Variants in FGF14 observed in about 807,000 individuals in gnomAD.
FGF14 encodes the protein fibroblast growth factor homologous factor 4.
In FGF14, 5 loss-of-function variants were observed where a neutral mutation model predicts 25.5. The observed-to-expected ratio is 0.20, with a 90% CI of 0.10 to 0.41. The LOEUF (loss-of-function observed/expected upper bound fraction) is 0.41, where lower values mean the gene tolerates loss of function less well. Ranked by LOEUF, FGF14 falls within the 10% of genes least tolerant of loss-of-function variation. The probability of loss-of-function intolerance (pLI) is 1.00; values close to 1 mark genes in which losing one functional copy is unlikely to be tolerated. For synonymous variants in FGF14, 138 were observed against 118.3 expected (o/e 1.17, Z -1.08); for missense variants, 222 against 320.1 (o/e 0.69, Z 2.34).
chr13:101,962,418 C>G (rs34500643), intron 1 of FGF14, among the ~76,000 whole-genome samples: 16,085 of 151,922 alleles, frequency 0.11, 971 homozygotes, highest in Admixed American at 0.2. Flanking sequence ...TGTATCCTGT[C>G]TCTCTTTTCT....
At chr13:102,378,589 ATATCTATATCTATC>A (rs1386835089) in intron 1 of FGF14, among the ~76,000 whole-genome samples, 2 of 144,094 alleles carry the variant, frequency 1.4e-5, no homozygotes, top group African/African-American at 5.2e-5. Flanking sequence ...TATGTTATAT[ATATCTATATCTATC>A]TATCTATCTA....
chr13:102,016,324 A>C (rs2040343519), intron 1 of FGF14, among the ~76,000 whole-genome samples: 1 of 152,154 alleles, frequency 6.6e-6, no homozygotes, highest in East Asian at 1.9e-4. Context: ...ATAATTTGAA[A>C]AGATTTTTAA....
intron 1 of FGF14, among the ~76,000 whole-genome samples, chr13:102,297,937 T>C (rs968550880): frequency 2.0e-5 from 3 of 152,060 alleles, no homozygotes; most frequent in Non-Finnish European, 4.4e-5. Context: ...TGGGATGCCC[T>C]CACAGAATGT....
At chr13:101,889,758 G>A (rs183298100) in intron 1 of FGF14, among the ~76,000 whole-genome samples, 2 of 152,314 alleles carry the variant, frequency 1.3e-5, no homozygotes, top group Non-Finnish European at 2.9e-5. Flanking sequence ...CTGCATCTGA[G>A]AACGTGCATC....
intron 3 of FGF14, among the ~76,000 whole-genome samples, chr13:101,758,879 G>A (rs868376872): frequency 1.3e-5 from 2 of 152,174 alleles, no homozygotes; most frequent in African/African-American, 2.4e-5. Context: ...TGATTCTGAT[G>A]TAGGTGTTGT....
At chr13:102,196,680 T>C (rs1335748429) in intron 1 of FGF14, among the ~76,000 whole-genome samples, 1 of 152,226 alleles carries the variant, frequency 6.6e-6, no homozygotes, top group East Asian at 1.9e-4. Flanking sequence ...TATAATTTTT[T>C]GTGGCAAAAA....
intron 1 of FGF14, among the ~76,000 whole-genome samples, chr13:102,087,715 C>T (rs183854312): frequency 2.0e-4 from 30 of 151,860 alleles, no homozygotes; most frequent in African/African-American, 6.5e-4. Flanking sequence ...TGAGCCACCG[C>T]GCCCAGCCCA....
At chr13:102,154,730 TAA>T (rs2047245231) in intron 1 of FGF14, among the ~76,000 whole-genome samples, 1 of 151,820 alleles carries the variant, frequency 6.6e-6, no homozygotes, top group African/African-American at 2.4e-5. Flanking sequence ...GCAAATTGGA[TAA>T]AGAGTCAAGA....
chr13:102,100,592 T>C (rs974073172), intron 1 of FGF14, among the ~76,000 whole-genome samples: 8 of 152,186 alleles, frequency 5.3e-5, no homozygotes, highest in African/African-American at 1.9e-4. Flanking sequence ...TGCTTGCTAC[T>C]TGGGGATACT....
chr13:101,994,696 A>G (rs2039087036), intron 1 of FGF14, among the ~76,000 whole-genome samples: 1 of 152,212 alleles, frequency 6.6e-6, no homozygotes, highest in East Asian at 1.9e-4. Context: ...AGGAAATAAA[A>G]TTAGTAGCAT....
chr13:102,299,445 C>T (rs540578380), intron 1 of FGF14, among the ~76,000 whole-genome samples: 47 of 152,258 alleles, frequency 3.1e-4, no homozygotes, highest in Non-Finnish European at 3.2e-4. Flanking sequence ...AGGAGAATTT[C>T]AGCGTGTGGC....
intron 1 of FGF14, among the ~76,000 whole-genome samples, chr13:102,372,275 C>G (rs139767211): frequency 6.6e-6 from 1 of 152,002 alleles, no homozygotes; most frequent in Non-Finnish European, 1.5e-5. Flanking sequence ...AAATAAGAAA[C>G]CTACAGGATG....
intron 1 of FGF14, among the ~76,000 whole-genome samples, chr13:102,228,472 C>T (rs1426878528): frequency 2.0e-5 from 3 of 152,142 alleles, no homozygotes; most frequent in Non-Finnish European, 4.4e-5. Context: ...ACTAAAATTG[C>T]CTAATGAATA....
chr13:102,151,526 T>A (rs934763968), intron 1 of FGF14, among the ~76,000 whole-genome samples: 6 of 152,208 alleles, frequency 3.9e-5, no homozygotes, highest in Admixed American at 2.6e-4. Flanking sequence ...TGAGACAGAG[T>A]TTCACTCTTG....
intron 1 of FGF14, among the ~76,000 whole-genome samples, chr13:102,387,961 C>G (rs2058344790): frequency 6.6e-6 from 1 of 152,054 alleles, no homozygotes; most frequent in African/African-American, 2.4e-5. Context: ...ATCTCTTGAC[C>G]TCATGATCCA....
chr13:102,001,716 T>G lies in FGF14; in HGVS notation c.209-126420A>C, dbSNP rs2039505849. ...GTCCACTTAAAATGAAGGCCTAATT[T>G]CATCTGGAGTAGATTGGGAACGACT... On this transcript the variant is annotated intron_variant, in intron 1 of 4. Coordinates refer to the FGF14 transcript ENST00000376131. 2.0e-5 allele frequency among the ~76,000 whole-genome samples: 3 copies of G among 152,220 alleles called. No homozygotes were observed. The South Asian group carries it at 6.2e-4, about 31-fold the overall frequency.
At chr13:102,364,396 A>G (rs2139057512) in intron 1 of FGF14, among the ~76,000 whole-genome samples, 1 of 152,310 alleles carries the variant, frequency 6.6e-6, no homozygotes, top group East Asian at 1.9e-4. Flanking sequence ...CAGCCTTAGA[A>G]GGTTGCTCAC....
At chr13:101,866,649 G>T (rs1376498143) in intron 3 of FGF14, among the ~76,000 whole-genome samples, 2 of 152,062 alleles carry the variant, frequency 1.3e-5, no homozygotes, top group African/African-American at 2.4e-5. Context: ...TACTATTTTA[G>T]TAGGCTCTCA....
intron 3 of FGF14, 150 bp downstream of exon 3, chr13:101,868,575 A>G: frequency 1.4e-6 from 1 of 692,662 alleles, no homozygotes; most frequent in Admixed American, 2.0e-5. Flanking sequence ...CTGGTGAATA[A>G]TAAACAGCTT....
Sources: gnomAD v4.1 joint callset for allele counts (sites outside exome capture counted in the v4.1 genomes callset) on GRCh38, gnomAD v4.1.1 for gene constraint, MANE v1.5 for transcripts, NCBI Gene and HGNC (gene_info 2026-07-23, HGNC 2026-07-21) for gene names.